The following ZNF469 variants were observed in gnomAD, a reference collection of about 807,000 sequenced individuals.
ZNF469 encodes the protein zinc finger protein 469.
In ZNF469, 1 loss-of-function variant was observed where a neutral mutation model predicts 1.0. That is an observed-to-expected ratio of 1.00 (90% CI 0.35 to 4.73). ZNF469 has a LOEUF of 4.73. Ranked by LOEUF, ZNF469 falls within the 30% of genes most tolerant of loss-of-function variation. The probability of loss-of-function intolerance (pLI) is 0.16; values close to 1 mark genes in which losing one functional copy is unlikely to be tolerated. For missense variants in ZNF469, 6,100 were observed against 5,356.3 expected (o/e 1.14, Z -4.33); for synonymous variants, 2,703 against 2,363.4 (o/e 1.14, Z -4.17).
the ZNF469 span, among the ~76,000 whole-genome samples, chr16:88,247,253 A>AATGAGTGAG: frequency 1.7e-5 from 1 of 57,960 alleles, no homozygotes; most frequent in African/African-American, 1.3e-4. Context: ...GAATGAGTGA[A>AATGAGTGAG]GGAACAAGTG....
the ZNF469 span, among the ~76,000 whole-genome samples, chr16:88,167,452 C>T: frequency 6.6e-6 from 1 of 152,204 alleles, no homozygotes; most frequent in Non-Finnish European, 1.5e-5. Flanking sequence ...GTTGCTGACA[C>T]CGACCACGTC....
In ZNF469 at chr16:88,435,305, G is replaced by T. The variant is rs1279028264; in HGVS notation, c.7835G>T (p.Gly2612Val). Residue 2612 changes from glycine (G) to valine (V), a missense_variant, in exon 3 of 3, where the codon GGC becomes GTC. Gly to Val is a moderately radical substitution (Grantham distance 109, BLOSUM62 -3). Coordinates refer to ENST00000565624, the MANE Select transcript of ZNF469 (RefSeq NM_001367624.2). ...LHPKQAEKREGRRWRREPTVD... is the reference protein window; with the variant it reads ...LHPKQAEKREVRRWRREPTVD... The stretch of plus-strand genomic sequence containing the variant: ...CCCAAACAGGCAGAAAAAAGAGAAG[G>T]CCGGAGGTGGCGCCGAGAGCCCACC... 1 of 1,550,368 alleles carries T rather than the reference G, an allele frequency of 6.5e-7. No homozygotes were observed. Among genetic ancestry groups the T allele is most frequent in the South Asian group, 1.2e-5 (1 of 84,060 alleles).
At chr16:88,215,082 T>C in the ZNF469 span, among the ~76,000 whole-genome samples, 1 of 152,232 alleles carries the variant, frequency 6.6e-6, no homozygotes, top group Admixed American at 6.5e-5. Flanking sequence ...TTTCAAATTT[T>C]CTGTCCTATA....
At chr16:88,232,933 C>T in the ZNF469 span, among the ~76,000 whole-genome samples, 15 of 152,346 alleles carry the variant, frequency 9.8e-5, 1 homozygote, top group South Asian at 2.3e-3. Flanking sequence ...GTCTGGCCGC[C>T]GCCTAGCAGG....
At chr16:88,418,393 CCTT>C (rs1295037308) in intron 1 of ZNF469, among the ~76,000 whole-genome samples, 1 of 152,038 alleles carries the variant, frequency 6.6e-6, no homozygotes, top group Non-Finnish European at 1.5e-5. Flanking sequence ...GTCCTGGTGT[CCTT>C]CTGGGTAATG....
chr16:88,202,903 A>G, the ZNF469 span, among the ~76,000 whole-genome samples: 88 of 152,126 alleles, frequency 5.8e-4, no homozygotes, highest in African/African-American at 2.0e-3. Flanking sequence ...TGAGGGCTGG[A>G]GGTGAGGGAA....
the ZNF469 span, among the ~76,000 whole-genome samples, chr16:88,282,002 G>T: frequency 6.6e-6 from 1 of 152,214 alleles, no homozygotes; most frequent in African/African-American, 2.4e-5. Context: ...GCATGGGTTA[G>T]TTAGTACTAA....
upstream of ZNF469, among the ~76,000 whole-genome samples, chr16:88,380,491 A>G (rs1162526084): frequency 6.1e-4 from 89 of 146,892 alleles, no homozygotes; most frequent in African/African-American, 2.2e-3. Flanking sequence ...ACGTGCACAC[A>G]CACATGCACT....
the ZNF469 span, among the ~76,000 whole-genome samples, chr16:88,106,893 C>T: frequency 4.0e-5 from 6 of 150,904 alleles, no homozygotes; most frequent in Admixed American, 2.0e-4. Context: ...GTGGCAGCAA[C>T]GCCAGCCTCT....
the ZNF469 span, among the ~76,000 whole-genome samples, chr16:88,229,417 G>C: frequency 6.6e-6 from 1 of 152,250 alleles, no homozygotes; most frequent in Non-Finnish European, 1.5e-5. Context: ...AGGAAAAAGA[G>C]GCTGCACGAG....
chr16:88,192,419 T>C, the ZNF469 span, among the ~76,000 whole-genome samples: 95,030 of 142,060 alleles, frequency 0.67, 30,182 homozygotes, highest in Middle Eastern at 0.77. Context: ...AGGTCTTGTC[T>C]ACTTTGTGCA....
At chr16:88,419,961 GCA>G (rs1355413070) in intron 1 of ZNF469, among the ~76,000 whole-genome samples, 2 of 152,242 alleles carry the variant, frequency 1.3e-5, no homozygotes, top group Admixed American at 1.3e-4. Context: ...AGGCCACACA[GCA>G]CACAGTAGCA....
chr16:88,140,475 A>C, the ZNF469 span, among the ~76,000 whole-genome samples: 2 of 132,226 alleles, frequency 1.5e-5, no homozygotes, highest in African/African-American at 8.8e-5. Context: ...TAGCACGGAA[A>C]GTCAGTGACA....
Position 88,430,325 on chromosome 16 carries a change from A to C in ZNF469, c.2855A>C (p.Lys952Thr). ...CAGCAGAGGAGGGGGAAGCAGTTGA[A>C]GCTGTTCCGGAAGGATCTGGACTCG... ...GRQQRRGKQLKLFRKDLDSGG... is the reference protein window; with the variant it reads ...GRQQRRGKQLTLFRKDLDSGG... The change falls in exon 3 of 3, where the codon AAG becomes ACG. Residue 952 changes from lysine (K) to threonine (T), a missense_variant. By Grantham distance (78) the Lys-to-Thr change is moderately conservative (BLOSUM62 -1). Transcript: ENST00000565624. 1.3e-6 allele frequency: 2 copies of C among 1,515,114 alleles called. No individual in the cohort carries two copies. The highest frequency in any genetic ancestry group is 1.8e-6 in the Non-Finnish European group (2 of 1,135,494). The allele number at this position is 1,515,114 out of a possible 1,614,324, so 93.9% of individuals were successfully genotyped here.
At position 88,430,284 on chromosome 16, in the gene ZNF469, G is replaced by A. The variant is rs140480823; in HGVS notation, c.2814G>A (p.Ala938=). ...SLGLAPTEAD[A]PSQGRQQRRG... is the part of the protein sequence containing the mutation. ...GTCTGGCCCCCACCGAGGCGGATGC[G>A]CCCAGCCAGGGCAGGCAGCAGAGGA... The change falls in exon 3 of 3, where the codon GCG becomes GCA. Residue 938 remains alanine (A), a synonymous_variant. Transcript: ENST00000565624. The A allele has an allele frequency of 0.012, 17,750 of 1,514,324 alleles. 124 individuals are homozygous for A. The highest frequency in any genetic ancestry group is 0.014 in the Non-Finnish European group (15,889 of 1,133,304). 93.8% of individuals were successfully genotyped at this position (1,514,324 alleles called of 1,614,324 possible). A position where few individuals can be genotyped will look rare whatever the true frequency, so the allele number is the denominator to read the frequency against.
chr16:88,238,203 C>T, the ZNF469 span, among the ~76,000 whole-genome samples: 2 of 152,252 alleles, frequency 1.3e-5, no homozygotes, highest in Non-Finnish European at 2.9e-5. Flanking sequence ...ATGTGGCCGG[C>T]AGCACCCACT....
chr16:88,157,543 C>A, the ZNF469 span, among the ~76,000 whole-genome samples: 1 of 152,150 alleles, frequency 6.6e-6, no homozygotes, highest in African/African-American at 2.4e-5. Flanking sequence ...ACCCATCTCT[C>A]CTCCACCCTC....
chr16:88,197,556 G>A, the ZNF469 span, among the ~76,000 whole-genome samples: 1 of 152,238 alleles, frequency 6.6e-6, no homozygotes, highest in Non-Finnish European at 1.5e-5. Flanking sequence ...CTTGCCCATT[G>A]TATTAGTCAT....
the ZNF469 span, among the ~76,000 whole-genome samples, chr16:88,374,779 G>C: frequency 6.7e-6 from 1 of 148,914 alleles, no homozygotes; most frequent in Non-Finnish European, 1.5e-5. Flanking sequence ...CGTATGCCAA[G>C]TGGGCTGAGA....
Sources: allele counts gnomAD v4.1 joint callset (sites outside exome capture counted in the v4.1 genomes callset), GRCh38; gene constraint gnomAD v4.1.1; transcripts MANE v1.5; gene names NCBI Gene and HGNC (gene_info 2026-07-23, HGNC 2026-07-21).